The following EPHA3 variants were observed in gnomAD, a reference collection of about 807,000 sequenced individuals.
EPHA3 encodes ephrin type-A receptor 3.
EPHA3 carries 42 observed loss-of-function variants against 107.1 expected under a neutral mutation model. The observed-to-expected ratio is 0.39, with a 90% CI of 0.31 to 0.51. The LOEUF (loss-of-function observed/expected upper bound fraction) is 0.51. EPHA3 is among the 20% of genes least tolerant of loss of function. The pLI is 0.78. For synonymous variants in EPHA3, 461 were observed against 424.8 expected, an observed-to-expected ratio of 1.09 and a Z score of -1.05; for missense variants, 1,183 against 1,211.2, an observed-to-expected ratio of 0.98 and a Z score of 0.35.
chr3:89,381,591 C>T (rs1708510289), intron 5 of EPHA3, among the ~76,000 whole-genome samples: 1 of 151,856 alleles, frequency 6.6e-6, no homozygotes, highest in South Asian at 2.1e-4. Context: ...ATCACTTGAA[C>T]CTGGGAGGCA....
intron 3 of EPHA3, among the ~76,000 whole-genome samples, chr3:89,277,241 C>T (rs983326773): frequency 6.6e-6 from 1 of 152,072 alleles, no homozygotes; most frequent in Non-Finnish European, 1.5e-5. Context: ...AAAATGCATA[C>T]TGTAATTCTG....
rs113386137 is a variant in EPHA3, at chr3:89,470,321, C to A, written c.2691-2143C>A. Among the ~76,000 whole-genome samples, 1,240 of 152,174 alleles carry A rather than the reference C, an allele frequency of 8.1e-3. 12 individuals are homozygous for A. The highest frequency in any genetic ancestry group is 0.022 in the African/African-American group (920 of 41,524). ...TGGTGGTTAACAAGATCATTGCATT[C>A]CCAGCATTATATATAAACTGATATT... On this transcript the variant is annotated intron_variant, in intron 15 of 16. Coordinates refer to ENST00000336596, the MANE Select transcript of EPHA3 (RefSeq NM_005233.6).
chr3:89,182,930 A>T (rs759955387), intron 2 of EPHA3, among the ~76,000 whole-genome samples: 1 of 152,010 alleles, frequency 6.6e-6, no homozygotes, highest in Non-Finnish European at 1.5e-5. Context: ...AATGAAAATT[A>T]TCTACAATAA....
intron 1 of EPHA3, among the ~76,000 whole-genome samples, chr3:89,112,376 T>G (rs575336739): frequency 6.6e-6 from 1 of 152,220 alleles, no homozygotes; most frequent in African/African-American, 2.4e-5. Context: ...ATAAGTTTAT[T>G]ATTAAATAAA....
At chr3:89,378,463 CTT>C (rs1265710797) in intron 5 of EPHA3, among the ~76,000 whole-genome samples, 3 of 152,026 alleles carry the variant, frequency 2.0e-5, no homozygotes, top group African/African-American at 7.3e-5. Flanking sequence ...TCAATTCTAA[CTT>C]AAGAATCATT....
intron 7 of EPHA3, among the ~76,000 whole-genome samples, chr3:89,406,508 T>C (rs1432690160): frequency 1.3e-5 from 2 of 152,202 alleles, no homozygotes; most frequent in East Asian, 1.9e-4. Flanking sequence ...AAATCAGTCA[T>C]AGACAATATA....
At chr3:89,213,724 A>G (rs2107190475) in intron 3 of EPHA3, among the ~76,000 whole-genome samples, 1 of 152,088 alleles carries the variant, frequency 6.6e-6, no homozygotes, top group East Asian at 1.9e-4. Flanking sequence ...CGTCTAAACA[A>G]TTTTTGTAGA....
At chr3:89,189,110 T>C (rs956311022) in intron 2 of EPHA3, among the ~76,000 whole-genome samples, 1 of 152,356 alleles carries the variant, frequency 6.6e-6, no homozygotes, top group East Asian at 1.9e-4. Flanking sequence ...AAAACATTTC[T>C]GAAAGGAATA....
chr3:89,244,376 T>G (rs1559616719), intron 3 of EPHA3, among the ~76,000 whole-genome samples: 1 of 152,048 alleles, frequency 6.6e-6, no homozygotes. Flanking sequence ...AGTAGTAAGA[T>G]TTCTAAAATG....
At chr3:89,312,472 A>G (rs2107363279) in intron 3 of EPHA3, among the ~76,000 whole-genome samples, 1 of 151,308 alleles carries the variant, frequency 6.6e-6, no homozygotes, top group South Asian at 2.1e-4. Context: ...TTCTTCTTTA[A>G]ATTGTGTGCA....
At chr3:89,132,328 A>T (rs1252638321) in intron 2 of EPHA3, among the ~76,000 whole-genome samples, 1 of 152,210 alleles carries the variant, frequency 6.6e-6, no homozygotes, top group Non-Finnish European at 1.5e-5. Context: ...ATGCTTTCAA[A>T]TAAAAGGCAT....
intron 3 of EPHA3, among the ~76,000 whole-genome samples, chr3:89,324,875 C>G (rs1407709913): frequency 6.6e-6 from 1 of 152,076 alleles, no homozygotes; most frequent in African/African-American, 2.4e-5. Flanking sequence ...GCCATTGGTC[C>G]CCAATGTCTA....
At position 89,322,401 on chromosome 3, in the gene EPHA3, A is replaced by T. The variant is rs565070736; in HGVS notation, c.815-18515A>T. 3.9e-5 allele frequency among the ~76,000 whole-genome samples: 6 copies of T among 152,248 alleles called. 1 individual carries two copies. The South Asian group carries it at 1.2e-3, about 32-fold the overall frequency. ...ACAGAGGAGACATTGGTCAGTGTCA[A>T]CATGATATAAATTTGGACAAGTGGC... is the stretch of plus-strand genomic sequence containing the variant. On this transcript the variant is annotated intron_variant, in intron 3 of 16. Coordinates refer to ENST00000336596, the MANE Select transcript of EPHA3 (RefSeq NM_005233.6).
chr3:89,363,732 AT>A (rs1708139389), intron 5 of EPHA3, among the ~76,000 whole-genome samples: 1 of 150,474 alleles, frequency 6.6e-6, no homozygotes, highest in Non-Finnish European at 1.5e-5. Flanking sequence ...TTTTGAGTTA[AT>A]TTCTAGACTA....
At chr3:89,222,365 A>T (rs1407409777) in intron 3 of EPHA3, among the ~76,000 whole-genome samples, 6 of 147,816 alleles carry the variant, frequency 4.1e-5, no homozygotes. Context: ...GTATATGTAT[A>T]TGTATATACC....
intron 2 of EPHA3, among the ~76,000 whole-genome samples, chr3:89,188,244 A>T (rs751244443): frequency 6.6e-6 from 1 of 152,188 alleles, no homozygotes; most frequent in Non-Finnish European, 1.5e-5. Context: ...AAAATAAGCC[A>T]GCTACGATCT....
intron 2 of EPHA3, among the ~76,000 whole-genome samples, chr3:89,172,455 G>A (rs986784348): frequency 1.3e-5 from 2 of 152,152 alleles, no homozygotes; most frequent in Non-Finnish European, 2.9e-5. Context: ...AGTCAGGCCT[G>A]CGTTACAAAA....
In EPHA3 at chr3:89,479,570, A is replaced by C; in HGVS notation, c.*68A>C. 1.6e-6 allele frequency: 2 copies of C among 1,229,160 alleles called. No homozygotes were observed. The highest frequency in any genetic ancestry group is 1.2e-6 in the Non-Finnish European group (1 of 838,386). The allele number at this position is 1,229,160 out of a possible 1,614,324, so 76.1% of individuals were successfully genotyped here. On this transcript the variant is annotated 3_prime_UTR_variant, in exon 17 of 17. Transcript: ENST00000336596. ...GAAGGCGTAGCATCATCCTGCAGAC[A>C]GACAATAATTCTGGAGATACTGGTG...
At chr3:89,140,832 C>T (rs1363660908) in intron 2 of EPHA3, among the ~76,000 whole-genome samples, 1 of 151,662 alleles carries the variant, frequency 6.6e-6, no homozygotes, top group East Asian at 1.9e-4. Flanking sequence ...AATTTGTTCA[C>T]TCTGTTATCC....
Sources: gnomAD v4.1 joint callset for allele counts (sites outside exome capture counted in the v4.1 genomes callset) on GRCh38, gnomAD v4.1.1 for gene constraint, MANE v1.5 for transcripts, NCBI Gene and HGNC (gene_info 2026-07-23, HGNC 2026-07-21) for gene names.